The following KIAA1958 variants were observed in gnomAD, a reference collection of about 807,000 sequenced individuals.
The protein encoded by KIAA1958 is uncharacterized protein KIAA1958.
Under a neutral mutation model 47.2 loss-of-function variants are expected in KIAA1958, and 14 were observed. The observed-to-expected ratio is 0.30, with a 90% confidence interval of 0.20 to 0.46. The LOEUF is 0.46. Among genes scored for constraint, KIAA1958 ranks in the 20% least tolerant of loss-of-function variants. The pLI is 1.00. For missense variants in KIAA1958, 803 were observed against 909.2 expected (o/e 0.88, Z 1.50); for synonymous variants, 354 against 353.3 (o/e 1.00, Z -0.02).
rs750967433 is a variant in KIAA1958 at position 112,537,063 on chromosome 9, TCCTCC to T, written c.-24-36974_-24-36970del. On this transcript the variant is annotated intron_variant, in intron 1 of 3. Coordinates refer to ENST00000337530, the MANE Select transcript of KIAA1958 (RefSeq NM_133465.4). ...AAGACACAAAGTGGGACAAGGTATT[TCCTCC>T]CCTCCCCTCCCCTCCCCTCTTCTCC... is the stretch of plus-strand genomic sequence containing the variant. Among the ~76,000 whole-genome samples the T allele has an allele frequency of 3.9e-4, 59 of 151,398 alleles. 1 individual carries two copies. In the East Asian group the frequency reaches 9.0e-3, roughly 23 times the overall value.
At chr9:112,617,735 A>G in intron 2 of KIAA1958, 1 of 695,508 alleles carries the variant, frequency 1.4e-6, no homozygotes, top group East Asian at 2.7e-5. Flanking sequence ...TGTAAATAAC[A>G]TTTATCAGTG....
chr9:112,531,353 A>T (rs1834749139), intron 1 of KIAA1958, among the ~76,000 whole-genome samples: 1 of 152,192 alleles, frequency 6.6e-6, no homozygotes, highest in Non-Finnish European at 1.5e-5. Flanking sequence ...ACGCCATTGC[A>T]CTCCAGCCTG....
At chr9:112,648,062 GTCT>G in intron 3 of KIAA1958, among the ~76,000 whole-genome samples, 1 of 152,322 alleles carries the variant, frequency 6.6e-6, no homozygotes, top group Non-Finnish European at 1.5e-5. Flanking sequence ...AATCAGTTAA[GTCT>G]TTCACTTTGG....
In KIAA1958 at chr9:112,618,070, G is replaced by T; in HGVS notation, c.1172-27580G>T. On this transcript the variant is annotated intron_variant, in intron 2 of 3. Coordinates refer to ENST00000337530, the MANE Select transcript of KIAA1958 (RefSeq NM_133465.4). The surrounding 1 kb of genome is among the most constrained non-coding windows in gnomAD (Gnocchi z 7.1). ...TTGTTGATGCCAGGCAGAAGGATGG[G>T]TCCGAATACGAACCCAACAGCTTGG... 6.4e-7 allele frequency: 1 copy of T among 1,550,592 alleles called. No individual in the cohort carries two copies. The highest frequency in any genetic ancestry group is 8.7e-7 in the Non-Finnish European group (1 of 1,146,998).
chr9:112,632,406 T>A (rs1261502185), intron 2 of KIAA1958, among the ~76,000 whole-genome samples: 2 of 152,110 alleles, frequency 1.3e-5, no homozygotes, highest in African/African-American at 4.8e-5. Flanking sequence ...CTTTGTTCAT[T>A]TATCTTTGCA....
intron 1 of KIAA1958, among the ~76,000 whole-genome samples, chr9:112,570,280 G>A (rs1389596584): frequency 1.3e-5 from 2 of 152,152 alleles, no homozygotes; most frequent in Admixed American, 1.3e-4. Flanking sequence ...TTCTGCTGGA[G>A]GGCGTTTTTT....
intron 1 of KIAA1958, among the ~76,000 whole-genome samples, chr9:112,534,029 G>A (rs746675948): frequency 9.2e-5 from 14 of 152,192 alleles, no homozygotes; most frequent in Non-Finnish European, 1.9e-4. Context: ...GGAGTCATTG[G>A]CTTGAGTTTG....
chr9:112,598,160 G>A (rs1386743845), intron 2 of KIAA1958, among the ~76,000 whole-genome samples: 1 of 152,090 alleles, frequency 6.6e-6, no homozygotes, highest in East Asian at 1.9e-4. Context: ...AGGATGAGAG[G>A]TTTGGAAATG....
At chr9:112,611,380 T>C (rs1193715697) in intron 2 of KIAA1958, among the ~76,000 whole-genome samples, 2 of 152,146 alleles carry the variant, frequency 1.3e-5, no homozygotes, top group Non-Finnish European at 2.9e-5. Flanking sequence ...CTTGGGTAAG[T>C]TGGTTGGGTA....
At position 112,487,123 on chromosome 9, in the gene KIAA1958, G is replaced by A; in HGVS notation, c.-25+5G>A. 1 of 204,688 alleles carries A rather than the reference G, an allele frequency of 4.9e-6. No individual in the cohort carries two copies. The highest frequency in any genetic ancestry group is 5.9e-5 in the South Asian group (1 of 17,086). The allele number at this position is 204,688 out of a possible 1,614,324, so 12.7% of individuals were successfully genotyped here. A position where few individuals can be genotyped will look rare whatever the true frequency, so the allele number is the denominator to read the frequency against. The stretch of plus-strand genomic sequence containing the variant: ...CAGACGCACAGACACCTGCAGGTGG[G>A]TGAGAGCCCGCGCGCGGGGCGGGGA... On this transcript the variant is annotated splice_donor_5th_base_variant and intron_variant, in intron 1 of 3. Transcript: ENST00000337530.
intron 1 of KIAA1958, among the ~76,000 whole-genome samples, chr9:112,508,934 CAT>C (rs1410643227): frequency 6.6e-6 from 1 of 152,044 alleles, no homozygotes; most frequent in African/African-American, 2.4e-5. Flanking sequence ...AATGAGCAAA[CAT>C]AGCCTGCATT....
intron 1 of KIAA1958, among the ~76,000 whole-genome samples, chr9:112,489,828 C>T (rs1481609414): frequency 6.6e-6 from 1 of 152,072 alleles, no homozygotes; most frequent in African/African-American, 2.4e-5. Context: ...TAGCATTTTC[C>T]TGTTTATTGG....
intron 2 of KIAA1958, among the ~76,000 whole-genome samples, chr9:112,599,681 A>T (rs1836095689): frequency 6.6e-6 from 1 of 152,218 alleles, no homozygotes; most frequent in East Asian, 1.9e-4. Flanking sequence ...ATCTATAATG[A>T]ATCCATGTGT....
chr9:112,633,475 G>A (rs1371719113), intron 2 of KIAA1958, among the ~76,000 whole-genome samples: 1 of 151,880 alleles, frequency 6.6e-6, no homozygotes, highest in Non-Finnish European at 1.5e-5. Flanking sequence ...ATTTTTTAAT[G>A]TTTTCTTATT....
chr9:112,491,547 T>G (rs76677816), intron 1 of KIAA1958, among the ~76,000 whole-genome samples: 2,942 of 143,994 alleles, frequency 0.02, 81 homozygotes, highest in African/African-American at 0.07. Flanking sequence ...TATTAGCTGG[T>G]TTTTTTTTTT....
intron 2 of KIAA1958, among the ~76,000 whole-genome samples, chr9:112,589,322 C>T (rs1835879903): frequency 6.6e-6 from 1 of 152,038 alleles, no homozygotes; most frequent in Non-Finnish European, 1.5e-5. Context: ...ACAGGCTGGG[C>T]GCAGTGGCTT....
chr9:112,619,067 C>T (rs1266163767), intron 2 of KIAA1958: 2 of 753,452 alleles, frequency 2.7e-6, no homozygotes, highest in Non-Finnish European at 3.4e-6. Context: ...TACAAATAAG[C>T]CAATGGAGAT....
chr9:112,587,392 C>T (rs1470999087), intron 2 of KIAA1958, among the ~76,000 whole-genome samples: 1 of 152,180 alleles, frequency 6.6e-6, no homozygotes, highest in Non-Finnish European at 1.5e-5. Context: ...TCAAGTGATC[C>T]ACCCGCTTTG....
intron 3 of KIAA1958, among the ~76,000 whole-genome samples, chr9:112,657,898 C>A (rs867693473): frequency 2.6e-4 from 39 of 151,782 alleles, no homozygotes; most frequent in African/African-American, 8.7e-4. Flanking sequence ...CTCTTGTCAC[C>A]CAGGCTGGAG....
Sources: allele counts gnomAD v4.1 joint callset (sites outside exome capture counted in the v4.1 genomes callset), GRCh38; gene constraint gnomAD v4.1.1; non-coding constraint Gnocchi (gnomAD v3.1); transcripts MANE v1.5; gene names NCBI Gene and HGNC (gene_info 2026-07-23, HGNC 2026-07-21).